TGFBR2: variants seen among roughly 807,000 people sequenced by gnomAD.
TGFBR2 encodes the protein transforming growth factor beta receptor 2, also known as TGF-beta receptor type-2.
TGFBR2 carries 18 observed loss-of-function variants against 49.0 expected under a neutral mutation model. The observed-to-expected ratio is 0.37, with a 90% CI of 0.25 to 0.54. TGFBR2 has a LOEUF of 0.54. Among genes scored for constraint, TGFBR2 ranks in the 20% least tolerant of loss-of-function variants. TGFBR2 has a pLI of 0.85. For synonymous variants in TGFBR2, 282 were observed against 275.9 expected, an observed-to-expected ratio of 1.02 and a Z score of -0.22; for missense variants, 525 against 722.6, an observed-to-expected ratio of 0.73 and a Z score of 3.13.
chr3:30,666,876 G>A (rs1177695421), intron 3 of TGFBR2, among the ~76,000 whole-genome samples: 2 of 151,700 alleles, frequency 1.3e-5, no homozygotes, highest in Non-Finnish European at 2.9e-5. Flanking sequence ...AAACTCCTAG[G>A]CTCAAGTGAT....
intron 5 of TGFBR2, among the ~76,000 whole-genome samples, chr3:30,687,077 A>G (rs1699634526): frequency 6.6e-6 from 1 of 152,220 alleles, no homozygotes; most frequent in Admixed American, 6.5e-5. Flanking sequence ...TGAATATATT[A>G]AATAAAATAT....
chr3:30,631,230 C>A (rs142004879), intron 1 of TGFBR2, among the ~76,000 whole-genome samples: 6 of 151,798 alleles, frequency 4.0e-5, no homozygotes, highest in Admixed American at 6.6e-5. Context: ...TTAGTAGAGA[C>A]GGGGTTTCGC....
At chr3:30,688,227 T>A (rs1446504456) in intron 5 of TGFBR2, among the ~76,000 whole-genome samples, 157 bp from the exon 6 acceptor site, 1 of 152,242 alleles carries the variant, frequency 6.6e-6, no homozygotes, top group Non-Finnish European at 1.5e-5. Flanking sequence ...TTCCTTCTTA[T>A]CTTAGCCATT....
At chr3:30,656,531 G>C (rs1249114153) in intron 3 of TGFBR2, among the ~76,000 whole-genome samples, 1 of 152,180 alleles carries the variant, frequency 6.6e-6, no homozygotes, top group Non-Finnish European at 1.5e-5. Context: ...TAATAGTGTG[G>C]TTCTAAGAAG....
intron 1 of TGFBR2, among the ~76,000 whole-genome samples, chr3:30,612,757 G>A (rs1698052071): frequency 6.6e-6 from 1 of 151,912 alleles, no homozygotes; most frequent in Non-Finnish European, 1.5e-5. Flanking sequence ...GTGTACAACT[G>A]CTGATGAGGG....
chr3:30,638,460 A>G (rs1698584348), intron 1 of TGFBR2, among the ~76,000 whole-genome samples: 1 of 152,186 alleles, frequency 6.6e-6, no homozygotes, highest in African/African-American at 2.4e-5. Context: ...TGGTATCTCT[A>G]GTATTGACCT....
At chr3:30,685,682 C>A (rs1267049199) in intron 5 of TGFBR2, among the ~76,000 whole-genome samples, 12 of 152,168 alleles carry the variant, frequency 7.9e-5, no homozygotes, top group Non-Finnish European at 1.5e-4. Flanking sequence ...TACGCTGCCT[C>A]TGAGAGTAAG....
In TGFBR2 at chr3:30,606,700, C is replaced by A; in HGVS notation, c.-184C>A. On this transcript the variant is annotated 5_prime_UTR_variant, in exon 1 of 7. Coordinates refer to ENST00000295754, the MANE Select transcript of TGFBR2 (RefSeq NM_003242.6). The stretch of plus-strand genomic sequence containing the variant: ...CCCTCGGCCGCCGGGGGCCTCCCCG[C>A]GCCTCGCCGGCCTCCAGGCCCCCTC... 2.5e-6 allele frequency: 1 copy of A among 400,070 alleles called. No individual in the cohort carries two copies. Among genetic ancestry groups the A allele is most frequent in the Non-Finnish European group, 4.3e-6 (1 of 230,598 alleles). 24.8% of individuals were successfully genotyped at this position (400,070 alleles called of 1,614,324 possible). A position where few individuals can be genotyped will look rare whatever the true frequency, so the allele number is the denominator to read the frequency against.
At chr3:30,669,550 A>C (rs1225362108) in intron 3 of TGFBR2, among the ~76,000 whole-genome samples, 1 of 152,178 alleles carries the variant, frequency 6.6e-6, no homozygotes, top group African/African-American at 2.4e-5. Flanking sequence ...AGATTGGTTC[A>C]ATCAGGTATG....
chr3:30,616,682 C>G (rs901042056), intron 1 of TGFBR2, among the ~76,000 whole-genome samples: 1 of 152,228 alleles, frequency 6.6e-6, no homozygotes, highest in Non-Finnish European at 1.5e-5. Context: ...GTTAGAAAAT[C>G]TTTAGCTAAT....
intron 2 of TGFBR2, among the ~76,000 whole-genome samples, chr3:30,648,158 AG>A (rs946994634): frequency 3.9e-4 from 59 of 152,306 alleles, no homozygotes; most frequent in African/African-American, 1.4e-3. Context: ...TGGCTGTTAC[AG>A]GAGTGAGTGG....
chr3:30,609,535 T>C (rs1254601577), intron 1 of TGFBR2, among the ~76,000 whole-genome samples: 1 of 152,202 alleles, frequency 6.6e-6, no homozygotes, highest in Non-Finnish European at 1.5e-5. Context: ...AGAAAGTTTT[T>C]TTTTCTTCGT....
chr3:30,644,040 C>T (rs1559456218), intron 1 of TGFBR2, among the ~76,000 whole-genome samples: 1 of 152,168 alleles, frequency 6.6e-6, no homozygotes, highest in Non-Finnish European at 1.5e-5. Flanking sequence ...ATCATAACTC[C>T]AATGCCTCAC....
chr3:30,674,325 C>T, intron 5 of TGFBR2, 79 bp downstream of exon 5: 1 of 1,565,552 alleles, frequency 6.4e-7, no homozygotes, highest in Non-Finnish European at 8.8e-7. Flanking sequence ...AGCATTATTC[C>T]AGGGGTTACA....
chr3:30,612,707 C>T (rs865938664), intron 1 of TGFBR2, among the ~76,000 whole-genome samples: 1 of 146,690 alleles, frequency 6.8e-6, no homozygotes, highest in African/African-American at 2.5e-5. Context: ...ATTGTAAACC[C>T]CAAATTTTGA....
intron 3 of TGFBR2, among the ~76,000 whole-genome samples, chr3:30,652,897 A>T (rs547873212): frequency 6.6e-6 from 1 of 152,374 alleles, no homozygotes; most frequent in East Asian, 1.9e-4. Flanking sequence ...CCTTTCAGAT[A>T]CTAATGACTT....
At chr3:30,688,611 C>CCCA (rs1360635239) in intron 6 of TGFBR2, 100 bp downstream of exon 6, 98 of 1,526,610 alleles carry the variant, frequency 6.4e-5, no homozygotes, top group Non-Finnish European at 8.5e-5. Context: ...GAGGGAAGGT[C>CCCA]CCATTGTGTT....
In TGFBR2 at chr3:30,634,872, AT is replaced by A. The variant is rs924126919; in HGVS notation, c.95-9873del. On this transcript the variant is annotated intron_variant, in intron 1 of 6. Coordinates refer to ENST00000295754, the MANE Select transcript of TGFBR2 (RefSeq NM_003242.6). ...TTGAGAGTTCATGAAATAGTGCTCC[AT>A]TCTACTCTTTCACTTGATCTAATAT... is the stretch of plus-strand genomic sequence containing the variant. Among the ~76,000 whole-genome samples, 26 of 152,226 alleles carry A rather than the reference AT, an allele frequency of 1.7e-4. 1 individual carries two copies. The highest frequency in any genetic ancestry group is 5.8e-4 in the African/African-American group (24 of 41,458).
rs745936854 is a variant in TGFBR2, at chr3:30,638,655, A to C, written c.95-6092A>C. 2.4e-4 allele frequency among the ~76,000 whole-genome samples: 36 copies of C among 152,222 alleles called. 1 individual carries two copies. Among genetic ancestry groups the C allele is most frequent in the Non-Finnish European group, 4.1e-4 (28 of 68,048 alleles). Reference sequence around the variant, plus strand: ...TTCAGCAAAAAGAACTATTCCTAAAATGTTCCTATCTTTGGTTTAATCACA... The same window carrying C: ...TTCAGCAAAAAGAACTATTCCTAAACTGTTCCTATCTTTGGTTTAATCACA... On this transcript the variant is annotated intron_variant, in intron 1 of 6. Transcript: ENST00000295754.
Sources: gnomAD v4.1 joint callset for allele counts (sites outside exome capture counted in the v4.1 genomes callset) on GRCh38, gnomAD v4.1.1 for gene constraint, MANE v1.5 for transcripts, NCBI Gene and HGNC (gene_info 2026-07-23, HGNC 2026-07-21) for gene names.